The following FRMD4A variants were observed in gnomAD, a reference collection of about 807,000 sequenced individuals.
The protein encoded by FRMD4A is FERM domain containing 4A.
FRMD4A carries 29 observed loss-of-function variants against 129.1 expected under a neutral mutation model. The ratio of observed to expected loss-of-function variants is 0.22; its 90% confidence interval spans 0.17 to 0.31. The LOEUF (loss-of-function observed/expected upper bound fraction) is 0.31, where lower values mean the gene tolerates loss of function less well. Ranked by LOEUF, FRMD4A falls within the 10% of genes least tolerant of loss-of-function variation. The pLI is 1.00. For missense variants in FRMD4A, 1,272 were observed against 1,375.8 expected (o/e 0.92, Z 1.19); for synonymous variants, 634 against 571.6 (o/e 1.11, Z -1.56).
intron 2 of FRMD4A, among the ~76,000 whole-genome samples, chr10:14,239,229 C>T (rs1442249293): frequency 6.6e-6 from 1 of 152,196 alleles, no homozygotes; most frequent in Non-Finnish European, 1.5e-5. Context: ...TTGTATAACC[C>T]TACGTGGCTT....
intron 6 of FRMD4A, among the ~76,000 whole-genome samples, chr10:13,768,315 C>T (rs547010039): frequency 2.6e-5 from 4 of 152,260 alleles, no homozygotes; most frequent in South Asian, 4.1e-4. Context: ...GCAGGTGTTA[C>T]GGATGTTCTC....
chr10:14,044,793 C>A (rs1422821686), intron 2 of FRMD4A, among the ~76,000 whole-genome samples: 2 of 152,212 alleles, frequency 1.3e-5, no homozygotes. Context: ...CAGCTACCAC[C>A]ATAACCTTCA....
At position 14,298,219 on chromosome 10, in the gene FRMD4A, A is replaced by T. The variant is rs532341308; in HGVS notation, c.45+31839T>A. On this transcript the variant is annotated intron_variant, in intron 2 of 24. Coordinates refer to ENST00000357447, the MANE Select transcript of FRMD4A (RefSeq NM_018027.5). ...TTGCCATCCTCTGCACCATATCAAA[A>T]ACTCCCAAGATCCAGTGTCTACATG... Among the ~76,000 whole-genome samples, 3 of 152,292 alleles carry T rather than the reference A, an allele frequency of 2.0e-5. No homozygotes were observed. The South Asian group carries it at 6.2e-4, about 32-fold the overall frequency.
chr10:13,897,294 C>T (rs890914619), intron 2 of FRMD4A, among the ~76,000 whole-genome samples: 6 of 152,168 alleles, frequency 3.9e-5, no homozygotes, highest in Admixed American at 3.9e-4. Context: ...AGCAGAAATA[C>T]TTTTCTTTTT....
At chr10:14,144,349 C>T (rs370947478) in intron 2 of FRMD4A, among the ~76,000 whole-genome samples, 5 of 151,984 alleles carry the variant, frequency 3.3e-5, no homozygotes, top group Admixed American at 1.3e-4. Context: ...AGGAGGGGAC[C>T]GAAAAAGGAA....
intron 3 of FRMD4A, among the ~76,000 whole-genome samples, chr10:13,835,833 C>A (rs928018778): frequency 1.3e-5 from 2 of 152,168 alleles, no homozygotes; most frequent in Non-Finnish European, 2.9e-5. Context: ...CATCCCCAAA[C>A]CATCCCCCTC....
chr10:14,099,167 C>G (rs1837165922), intron 2 of FRMD4A, among the ~76,000 whole-genome samples: 1 of 152,208 alleles, frequency 6.6e-6, no homozygotes, highest in African/African-American at 2.4e-5. Flanking sequence ...CCTCAGACTC[C>G]ATCATTGTCA....
At chr10:14,326,791 C>T (rs746124662) in intron 2 of FRMD4A, 25 of 398,430 alleles carry the variant, frequency 6.3e-5, no homozygotes, top group Non-Finnish European at 8.0e-5. Flanking sequence ...AAGAGCTTCC[C>T]GCTCTACAAT....
intron 2 of FRMD4A, among the ~76,000 whole-genome samples, chr10:14,223,211 C>T (rs1249688171): frequency 6.6e-6 from 1 of 152,216 alleles, no homozygotes; most frequent in Non-Finnish European, 1.5e-5. Context: ...GGAGCAGGCA[C>T]AACTGCTAGG....
chr10:13,713,299 G>A (rs1379389307), intron 12 of FRMD4A, among the ~76,000 whole-genome samples: 2 of 152,130 alleles, frequency 1.3e-5, no homozygotes, highest in East Asian at 3.8e-4. Context: ...AATTGATGAT[G>A]GGACCCACAT....
chr10:13,850,901 T>C (rs1190924053), intron 3 of FRMD4A, among the ~76,000 whole-genome samples: 1 of 152,242 alleles, frequency 6.6e-6, no homozygotes, highest in Non-Finnish European at 1.5e-5. Context: ...TTAAATAAGA[T>C]ATGCTCCATA....
intron 2 of FRMD4A, among the ~76,000 whole-genome samples, chr10:14,015,397 C>T (rs892583815): frequency 6.0e-5 from 9 of 149,046 alleles, no homozygotes; most frequent in African/African-American, 1.3e-4. Context: ...CCCCTCCCCT[C>T]GCCTCCCCTC....
intron 15 of FRMD4A, chr10:13,684,719 G>A (rs1430005438): frequency 1.0e-5 from 10 of 985,092 alleles, no homozygotes; most frequent in Non-Finnish European, 1.1e-5. Flanking sequence ...GGATATTGAT[G>A]ACCAGCCACT....
At chr10:13,860,297 A>C (rs1019687638) in intron 2 of FRMD4A, among the ~76,000 whole-genome samples, 1 of 152,216 alleles carries the variant, frequency 6.6e-6, no homozygotes, top group Non-Finnish European at 1.5e-5. Flanking sequence ...TTAGGAAGGG[A>C]TAGATTTTTA....
intron 2 of FRMD4A, among the ~76,000 whole-genome samples, chr10:13,877,629 G>A (rs2094501520): frequency 6.6e-6 from 1 of 152,222 alleles, no homozygotes; most frequent in Non-Finnish European, 1.5e-5. Flanking sequence ...TCCACACGGA[G>A]CAGTCCATCT....
At chr10:14,056,792 C>T (rs1053139482) in intron 2 of FRMD4A, among the ~76,000 whole-genome samples, 1 of 152,182 alleles carries the variant, frequency 6.6e-6, no homozygotes, top group African/African-American at 2.4e-5. Flanking sequence ...CTCTTTGCTG[C>T]TTCTTTGTTT....
chr10:13,712,853 A>G (rs988282039), intron 12 of FRMD4A, among the ~76,000 whole-genome samples: 1 of 152,238 alleles, frequency 6.6e-6, no homozygotes, highest in Non-Finnish European at 1.5e-5. Context: ...CTAAGTACTT[A>G]ATGAGCAGGG....
At chr10:13,672,320 G>A (rs2134721069) in intron 16 of FRMD4A, among the ~76,000 whole-genome samples, 1 of 151,970 alleles carries the variant, frequency 6.6e-6, no homozygotes, top group South Asian at 2.1e-4. Context: ...TGGTTCAAAT[G>A]TCTCCAAAGT....
At chr10:13,752,483 A>C (rs1264550975) in intron 8 of FRMD4A, among the ~76,000 whole-genome samples, 1 of 152,258 alleles carries the variant, frequency 6.6e-6, no homozygotes, top group Non-Finnish European at 1.5e-5. Flanking sequence ...CCCCTGGGTC[A>C]AATGAGATGT....
Sources: gnomAD v4.1 joint callset for allele counts (sites outside exome capture counted in the v4.1 genomes callset) on GRCh38, gnomAD v4.1.1 for gene constraint, MANE v1.5 for transcripts, NCBI Gene and HGNC (gene_info 2026-07-23, HGNC 2026-07-21) for gene names.